GRM1: variants seen among roughly 807,000 people sequenced by gnomAD.
GRM1 encodes metabotropic glutamate receptor 1.
GRM1 carries 33 observed loss-of-function variants against 90.9 expected under a neutral mutation model. The observed-to-expected ratio is 0.36, with a 90% CI of 0.28 to 0.49. The LOEUF (loss-of-function observed/expected upper bound fraction) is 0.49, where lower values mean the gene tolerates loss of function less well. Ranked by LOEUF, GRM1 falls within the 20% of genes least tolerant of loss-of-function variation. The probability of loss-of-function intolerance (pLI) is 0.99; values close to 1 mark genes in which losing one functional copy is unlikely to be tolerated. For missense variants in GRM1, 1,190 were observed against 1,534.3 expected (o/e 0.78, Z 3.75); for synonymous variants, 700 against 613.2 (o/e 1.14, Z -2.09).
intron 1 of GRM1, among the ~76,000 whole-genome samples, chr6:146,081,440 T>C (rs192832479): frequency 2.0e-4 from 31 of 152,236 alleles, no homozygotes; most frequent in African/African-American, 7.2e-4. Flanking sequence ...GGGGCCCACC[T>C]CTTCACATCT....
At chr6:146,297,461 A>T (rs1285896422) in intron 2 of GRM1, among the ~76,000 whole-genome samples, 2 of 152,084 alleles carry the variant, frequency 1.3e-5, no homozygotes, top group Non-Finnish European at 2.9e-5. Flanking sequence ...CGCCCAGCCA[A>T]AAAGTCCAAA....
At chr6:146,031,093 G>A (rs552336159) in intron 1 of GRM1, among the ~76,000 whole-genome samples, 1 of 152,092 alleles carries the variant, frequency 6.6e-6, no homozygotes, top group Non-Finnish European at 1.5e-5. Context: ...TAAAAGCTTT[G>A]ATTTTTCCAG....
chr6:146,283,725 A>G (rs1482898021), intron 2 of GRM1, among the ~76,000 whole-genome samples: 1 of 152,230 alleles, frequency 6.6e-6, no homozygotes, highest in African/African-American at 2.4e-5. Flanking sequence ...CTCATTTTAC[A>G]GATCAGGAAA....
intron 2 of GRM1, among the ~76,000 whole-genome samples, chr6:146,180,476 T>C (rs1778509378): frequency 6.6e-6 from 1 of 151,972 alleles, no homozygotes; most frequent in Non-Finnish European, 1.5e-5. Context: ...CAGAGGAACT[T>C]TTTTTTTCAT....
At chr6:146,048,174 G>A (rs1327891637) in intron 1 of GRM1, among the ~76,000 whole-genome samples, 1 of 152,022 alleles carries the variant, frequency 6.6e-6, no homozygotes, top group Admixed American at 6.6e-5. Context: ...ATGGGGTTAA[G>A]CACAAAGTGC....
intron 3 of GRM1, among the ~76,000 whole-genome samples, chr6:146,309,618 A>G (rs1421045856): frequency 1.3e-5 from 2 of 152,128 alleles, no homozygotes; most frequent in Admixed American, 6.5e-5. Context: ...TAAAAGCTCC[A>G]TAATATTCTA....
chr6:146,102,128 C>A (rs1335428012), intron 1 of GRM1, among the ~76,000 whole-genome samples: 1 of 152,060 alleles, frequency 6.6e-6, no homozygotes, highest in East Asian at 1.9e-4. Context: ...CTAGTCCATC[C>A]TGCCTCTTTT....
chr6:146,095,461 C>T (rs1168792075), intron 1 of GRM1, among the ~76,000 whole-genome samples: 1 of 152,126 alleles, frequency 6.6e-6, no homozygotes, highest in Non-Finnish European at 1.5e-5. Flanking sequence ...CCTTAAGGTG[C>T]AGATCTTTCC....
intron 5 of GRM1, among the ~76,000 whole-genome samples, chr6:146,376,166 A>G (rs1776091479): frequency 6.6e-6 from 1 of 152,118 alleles, no homozygotes; most frequent in East Asian, 1.9e-4. Context: ...AATAAAAACG[A>G]TATGCCTTAA....
intron 1 of GRM1, among the ~76,000 whole-genome samples, chr6:146,037,909 G>A (rs1790949694): frequency 6.6e-6 from 1 of 151,946 alleles, no homozygotes; most frequent in African/African-American, 2.4e-5. Flanking sequence ...ACATTTCTCT[G>A]GAAGGTCTGA....
intron 1 of GRM1, among the ~76,000 whole-genome samples, chr6:146,069,162 T>C (rs933094846): frequency 3.3e-5 from 5 of 152,134 alleles, no homozygotes; most frequent in African/African-American, 1.2e-4. Flanking sequence ...TATCTAGGAG[T>C]TGAGTCCCAG....
chr6:146,416,713 C>A lies in GRM1; in HGVS notation c.2660+17014C>A, dbSNP rs113547410. Among the ~76,000 whole-genome samples, 5 of 152,230 alleles carry A rather than the reference C, an allele frequency of 3.3e-5. 1 individual carries two copies. The highest frequency in any genetic ancestry group is 1.2e-4 in the African/African-American group (5 of 41,540). ...TTTTATAAAACTTGTTCTGCTTCAC[C>A]TGGTGCATCCTGTTCTGAGGGTAGA... On this transcript the variant is annotated intron_variant, in intron 7 of 7. Transcript: ENST00000282753.
intron 1 of GRM1, among the ~76,000 whole-genome samples, chr6:146,155,585 T>A (rs756924953): frequency 5.4e-4 from 82 of 152,334 alleles, no homozygotes; most frequent in Non-Finnish European, 7.8e-4. Flanking sequence ...TTAAGCTAAC[T>A]GATCAGGAAA....
intron 5 of GRM1, among the ~76,000 whole-genome samples, chr6:146,379,604 T>C (rs1372996151): frequency 1.3e-5 from 2 of 152,120 alleles, no homozygotes; most frequent in African/African-American, 4.8e-5. Flanking sequence ...TTTAGTGAGG[T>C]CATGTTTTCC....
chr6:146,397,206 G>T (rs1349984719), intron 6 of GRM1, among the ~76,000 whole-genome samples: 1 of 151,988 alleles, frequency 6.6e-6, no homozygotes, highest in Non-Finnish European at 1.5e-5. Flanking sequence ...AAGCTGGCTG[G>T]GTGTGGTGGC....
intron 1 of GRM1, among the ~76,000 whole-genome samples, chr6:146,049,617 T>TG (rs75543140): frequency 0.39 from 58,671 of 151,040 alleles, 11,814 homozygotes; most frequent in Middle Eastern, 0.5. Context: ...CCTCCATAAT[T>TG]GCATGAGCCA....
intron 2 of GRM1, among the ~76,000 whole-genome samples, chr6:146,230,627 C>T (rs1359011038): frequency 6.6e-6 from 1 of 152,114 alleles, no homozygotes; most frequent in Non-Finnish European, 1.5e-5. Context: ...AAACTAAACA[C>T]ACTCTTACCG....
chr6:146,398,852 C>T lies in GRM1; in HGVS notation c.1813C>T (p.Leu605Phe). The part of the protein sequence containing the change: ...IAIAFSCLGI[L>F]VTLFVTLIFV... ...CATCGCCTTTTCATGCCTGGGAATC[C>T]TTGTTACCTTGTTTGTCACCCTAAT... is the stretch of plus-strand genomic sequence containing the variant. Residue 605 changes from leucine (L) to phenylalanine (F), a missense_variant, in exon 7 of 8, where the codon CTT becomes TTT. Coordinates refer to ENST00000282753, the MANE Select transcript of GRM1 (RefSeq NM_001278064.2). 1 of 1,613,712 alleles carries T rather than the reference C, an allele frequency of 6.2e-7. No homozygotes were observed. Among genetic ancestry groups the T allele is most frequent in the African/African-American group, 1.3e-5 (1 of 75,014 alleles).
chr6:146,246,866 T>C (rs1488090796), intron 2 of GRM1, among the ~76,000 whole-genome samples: 4 of 152,202 alleles, frequency 2.6e-5, no homozygotes, highest in Non-Finnish European at 5.9e-5. Context: ...TGGATAATAA[T>C]AGGTTCTTGA....
Sources: allele counts gnomAD v4.1 joint callset (sites outside exome capture counted in the v4.1 genomes callset), GRCh38; gene constraint gnomAD v4.1.1; transcripts MANE v1.5; gene names NCBI Gene and HGNC (gene_info 2026-07-23, HGNC 2026-07-21).